SNTG1: variants seen among roughly 807,000 people sequenced by gnomAD.
SNTG1 encodes syntrophin gamma 1.
A neutral mutation model predicts 74.7 loss-of-function variants in SNTG1; 39 were observed. The ratio of observed to expected loss-of-function variants is 0.52; its 90% CI spans 0.40 to 0.68. The LOEUF (loss-of-function observed/expected upper bound fraction) is 0.68, where lower values mean the gene tolerates loss of function less well. SNTG1 is among the 30% of genes least tolerant of loss of function. SNTG1 has a pLI of 0.00. For synonymous variants in SNTG1, 254 were observed against 217.1 expected (o/e 1.17, Z -1.49); for missense variants, 685 against 609.5 (o/e 1.12, Z -1.30).
At chr8:50,052,306 T>C (rs916066096) in intron 1 of SNTG1, among the ~76,000 whole-genome samples, 1 of 152,106 alleles carries the variant, frequency 6.6e-6, no homozygotes, top group African/African-American at 2.4e-5. Context: ...TTTATCAATG[T>C]GGCCAAGACA....
chr8:50,465,841 C>A (rs2093604846), intron 8 of SNTG1, among the ~76,000 whole-genome samples: 1 of 152,086 alleles, frequency 6.6e-6, no homozygotes, highest in African/African-American at 2.4e-5. Context: ...TATCCATTCA[C>A]CTGTTGAAGG....
chr8:50,359,705 A>G lies in SNTG1; in HGVS notation c.-27-34507A>G, dbSNP rs1442169912. Reference sequence around the variant, plus strand: ...TCTAGTTGTCTATCAGCTTCTCTCAATCTCAACTCTTTAAAAATCATCTTT... The same window carrying G: ...TCTAGTTGTCTATCAGCTTCTCTCAGTCTCAACTCTTTAAAAATCATCTTT... On this transcript the variant is annotated intron_variant, in intron 2 of 18. Transcript: ENST00000642720. Among the ~76,000 whole-genome samples, 3 of 152,162 alleles carry G rather than the reference A, an allele frequency of 2.0e-5. No homozygotes were observed. The East Asian group carries it at 5.8e-4, about 29-fold the overall frequency.
At chr8:50,614,045 G>A (rs894685052) in intron 13 of SNTG1, among the ~76,000 whole-genome samples, 52 of 152,226 alleles carry the variant, frequency 3.4e-4, no homozygotes, top group Non-Finnish European at 2.6e-4. Context: ...ACTGGAGCTG[G>A]AGGAGAGAAA....
At chr8:49,945,893 T>C (rs1479679973) in intron 1 of SNTG1, among the ~76,000 whole-genome samples, 1 of 152,202 alleles carries the variant, frequency 6.6e-6, no homozygotes, top group Non-Finnish European at 1.5e-5. Context: ...CACAATATCC[T>C]TCTCCTTAAA....
chr8:50,168,688 G>A (rs1327250706), intron 1 of SNTG1, among the ~76,000 whole-genome samples: 1 of 152,210 alleles, frequency 6.6e-6, no homozygotes. Context: ...TACTATATTT[G>A]TATTTTATTC....
chr8:50,551,532 A>G (rs2094426695), intron 11 of SNTG1, among the ~76,000 whole-genome samples: 2 of 152,172 alleles, frequency 1.3e-5, no homozygotes, highest in Non-Finnish European at 1.5e-5. Context: ...GCAGAAAGAA[A>G]TATGTATTAC....
chr8:49,965,516 G>C (rs987619232), intron 1 of SNTG1, among the ~76,000 whole-genome samples: 1 of 152,114 alleles, frequency 6.6e-6, no homozygotes, highest in Non-Finnish European at 1.5e-5. Flanking sequence ...TTGGGCTTAT[G>C]AGTGGAAGCT....
intron 12 of SNTG1, among the ~76,000 whole-genome samples, chr8:50,577,573 G>A (rs1329999087): frequency 5.3e-5 from 2 of 37,584 alleles, no homozygotes; most frequent in African/African-American, 2.7e-4. Flanking sequence ...GTTGAAGAAG[G>A]ATTGGTGTAG....
intron 13 of SNTG1, among the ~76,000 whole-genome samples, chr8:50,647,487 A>G (rs2095117042): frequency 6.6e-6 from 1 of 151,700 alleles, no homozygotes; most frequent in African/African-American, 2.4e-5. Flanking sequence ...TACACACACA[A>G]ATGGCAAATC....
intron 13 of SNTG1, among the ~76,000 whole-genome samples, chr8:50,617,136 G>A (rs983811230): frequency 1.5e-4 from 23 of 151,938 alleles, no homozygotes; most frequent in African/African-American, 5.3e-4. Context: ...TTACTACTCC[G>A]CATAACACTT....
At chr8:50,506,133 A>C (rs998599503) in intron 9 of SNTG1, among the ~76,000 whole-genome samples, 1 of 152,060 alleles carries the variant, frequency 6.6e-6, no homozygotes, top group Non-Finnish European at 1.5e-5. Flanking sequence ...TATAACCTTA[A>C]CATGTTTGTT....
chr8:50,630,118 A>G (rs1056270091), intron 13 of SNTG1, among the ~76,000 whole-genome samples: 3 of 152,194 alleles, frequency 2.0e-5, no homozygotes, highest in Non-Finnish European at 1.5e-5. Flanking sequence ...GTAGGAATTT[A>G]TGGAAAACCT....
chr8:50,694,049 A>G lies in SNTG1; in HGVS notation c.1039-10551A>G, dbSNP rs550170084. Among the ~76,000 whole-genome samples, 9 of 152,214 alleles carry G rather than the reference A, an allele frequency of 5.9e-5. No individual in the cohort carries two copies. In the South Asian group the frequency reaches 1.9e-3, roughly 32 times the overall value. On this transcript the variant is annotated intron_variant, in intron 15 of 18. Coordinates refer to ENST00000642720, the MANE Select transcript of SNTG1 (RefSeq NM_018967.5). ...GCAACCTAATGTTACACCTCAAGAA[A>G]TTAGAAAAGCAAGAGGAAACAGTCC... is the stretch of plus-strand genomic sequence containing the variant.
chr8:50,206,735 G>A (rs2084259948), intron 2 of SNTG1, among the ~76,000 whole-genome samples: 1 of 152,098 alleles, frequency 6.6e-6, no homozygotes, highest in African/African-American at 2.4e-5. Flanking sequence ...TTTGAAATAT[G>A]TCCCATCAAT....
At chr8:50,446,057 T>C (rs749037119) in intron 5 of SNTG1, among the ~76,000 whole-genome samples, 16 of 151,948 alleles carry the variant, frequency 1.1e-4, no homozygotes, top group Non-Finnish European at 1.8e-4. Flanking sequence ...GCGATGGAGG[T>C]CCAGGAGCTA....
chr8:50,646,775 G>C (rs1421807165), intron 13 of SNTG1, among the ~76,000 whole-genome samples: 1 of 152,148 alleles, frequency 6.6e-6, no homozygotes, highest in Non-Finnish European at 1.5e-5. Flanking sequence ...TACTGAAGTA[G>C]AAGAGCAAAG....
At chr8:50,473,101 C>T (rs971799601) in intron 8 of SNTG1, among the ~76,000 whole-genome samples, 10 of 152,094 alleles carry the variant, frequency 6.6e-5, no homozygotes, top group African/African-American at 2.4e-4. Flanking sequence ...ATTGCAATCC[C>T]CACGTTCCCC....
At chr8:50,136,790 A>G (rs1469074379) in intron 1 of SNTG1, among the ~76,000 whole-genome samples, 1 of 152,136 alleles carries the variant, frequency 6.6e-6, no homozygotes, top group Admixed American at 6.5e-5. Context: ...CTACAGGCCT[A>G]TTAGCCCCAT....
chr8:50,231,871 G>T (rs542470492), intron 2 of SNTG1, among the ~76,000 whole-genome samples: 1 of 151,324 alleles, frequency 6.6e-6, no homozygotes, highest in East Asian at 1.9e-4. Context: ...ATTTCTCATG[G>T]TCTCACCATC....
Sources: gnomAD v4.1 joint callset for allele counts (sites outside exome capture counted in the v4.1 genomes callset) on GRCh38, gnomAD v4.1.1 for gene constraint, MANE v1.5 for transcripts, NCBI Gene and HGNC (gene_info 2026-07-23, HGNC 2026-07-21) for gene names.